Variants in MTHFD2 observed in about 807,000 individuals in gnomAD.
MTHFD2 encodes methylenetetrahydrofolate dehydrogenase (NADP+ dependent) 2, methenyltetrahydrofolate cyclohydrolase.
MTHFD2 carries 26 observed loss-of-function variants against 36.8 expected under a neutral mutation model. That is an observed-to-expected ratio of 0.71 (90% CI 0.52 to 0.98). MTHFD2 has a LOEUF of 0.98. Ranked by LOEUF, MTHFD2 falls within the 50% of genes least tolerant of loss-of-function variation. The pLI is 0.00. For synonymous variants in MTHFD2, 164 were observed against 155.2 expected (o/e 1.06, Z -0.42); for missense variants, 373 against 434.0 (o/e 0.86, Z 1.25).
intron 4 of MTHFD2, among the ~76,000 whole-genome samples, chr2:74,208,934 C>T (rs190905790): frequency 1.3e-5 from 2 of 151,756 alleles, no homozygotes; most frequent in African/African-American, 2.4e-5. Flanking sequence ...AGTGCAGTGG[C>T]GCGATCTTGG....
chr2:74,204,982 C>T (rs1409580724), intron 1 of MTHFD2, among the ~76,000 whole-genome samples: 13 of 152,102 alleles, frequency 8.5e-5, no homozygotes, highest in Non-Finnish European at 2.9e-5. Flanking sequence ...CCCACCACTA[C>T]GCCCAGCTAA....
chr2:74,211,662 T>C (rs750271786), intron 6 of MTHFD2, 79 bp from the exon 7 acceptor site: 19 of 1,399,600 alleles, frequency 1.4e-5, no homozygotes, highest in Non-Finnish European at 1.6e-5. Flanking sequence ...TCAGGGTCTC[T>C]TGAAATTGAA....
At chr2:74,206,086 C>T (rs147891318) in intron 2 of MTHFD2, 197 bp downstream of exon 2, 137 of 491,026 alleles carry the variant, frequency 2.8e-4, no homozygotes, top group African/African-American at 2.4e-3. Flanking sequence ...ACAGGAGATA[C>T]TGGTTGGTAT....
rs10638050 is a variant in MTHFD2 at position 74,213,270 on chromosome 2, C to CTTTTTTTTT, written c.890-793_890-785dup. Among the ~76,000 whole-genome samples, 31 of 76,014 alleles carry CTTTTTTTTT rather than the reference C, an allele frequency of 4.1e-4. 2 individuals are homozygous for CTTTTTTTTT. Among genetic ancestry groups the CTTTTTTTTT allele is most frequent in the African/African-American group, 9.6e-4 (16 of 16,656 alleles). The allele number at this position is 76,014 out of a possible 152,430, so 49.9% of individuals were successfully genotyped here. A position where few individuals can be genotyped will look rare whatever the true frequency, so the allele number is the denominator to read the frequency against. On this transcript the variant is annotated intron_variant, in intron 7 of 7. Transcript: ENST00000394053. ...ATGCTGATAATCCTTTTTTTCTTTC[C>CTTTTTTTTT]TTTTTTTTTTTTTTTTTTTTTTTTG...
At position 74,198,876 on chromosome 2, in the gene MTHFD2, G is replaced by A; in HGVS notation, c.101+134G>A. On this transcript the variant is annotated intron_variant, in intron 1 of 7. Coordinates refer to ENST00000394053, the MANE Select transcript of MTHFD2 (RefSeq NM_006636.4). ...CGCCCCGGCGGTGGTGGCCGCTGAG[G>A]GGTGTGGCGGGGCGACGTGGCACCG... 3 of 796,330 alleles carry A rather than the reference G, an allele frequency of 3.8e-6. No individual in the cohort carries two copies. The South Asian group carries it at 6.6e-5, about 17-fold the overall frequency. The allele number at this position is 796,330 out of a possible 1,614,324, so 49.3% of individuals were successfully genotyped here.
Position 74,211,007 on chromosome 2 carries a change from G to A in MTHFD2, c.671-192G>A, listed in dbSNP as rs983230724. On this transcript the variant is annotated intron_variant, in intron 5 of 7. Transcript: ENST00000394053. ...TCACCATGTTGGCCAGGTTGGCCTC[G>A]AACTCCTGACCTGGTGATCTGCCCA... 5.9e-5 allele frequency among the ~76,000 whole-genome samples: 9 copies of A among 152,114 alleles called. No individual in the cohort carries two copies. In the South Asian group the frequency reaches 8.3e-4, roughly 14 times the overall value.
At position 74,209,806 on chromosome 2, in the gene MTHFD2, T is replaced by C. The variant is rs1694265570; in HGVS notation, c.563-136T>C. ...GTAGTATGCTTTCTCCTGTTTTCTT[T>C]TAGCCCTTATTATGTGTAGCAAGTT... On this transcript the variant is annotated intron_variant, in intron 4 of 7. Transcript: ENST00000394053. The C allele has an allele frequency of 5.3e-6, 3 of 567,492 alleles. No individual in the cohort carries two copies. The East Asian group carries it at 9.4e-5, about 18-fold the overall frequency. 35.2% of individuals were successfully genotyped at this position (567,492 alleles called of 1,614,324 possible). A position where few individuals can be genotyped will look rare whatever the true frequency, so the allele number is the denominator to read the frequency against.
chr2:74,211,094 T>C, intron 5 of MTHFD2, 105 bp from the exon 6 acceptor site: 1 of 767,714 alleles, frequency 1.3e-6, no homozygotes, highest in Non-Finnish European at 2.2e-6. Context: ...CGTAAGTCAA[T>C]TATTTTTCAG....
In MTHFD2 at chr2:74,217,208, C is replaced by T. The variant is rs1298728999; in HGVS notation, c.*2966C>T. 2 of 152,182 alleles carry T rather than the reference C, an allele frequency of 1.3e-5. No individual in the cohort carries two copies. Among genetic ancestry groups the T allele is most frequent in the African/African-American group, 4.8e-5 (2 of 41,446 alleles). The allele number at this position is 152,182 out of a possible 1,614,324, so 9.4% of individuals were successfully genotyped here. Reference sequence around the variant, plus strand: ...TGAGCAAATATAGTAACTCTAACCTCAAGGTTCAAGTGATTTACTCAAGGT... The same window carrying T: ...TGAGCAAATATAGTAACTCTAACCTTAAGGTTCAAGTGATTTACTCAAGGT... On this transcript the variant is annotated 3_prime_UTR_variant, in exon 8 of 8. Transcript: ENST00000394053.
Position 74,198,753 on chromosome 2 carries a change from C to T in MTHFD2, c.101+11C>T. On this transcript the variant is annotated intron_variant, in intron 1 of 7. Coordinates refer to ENST00000394053, the MANE Select transcript of MTHFD2 (RefSeq NM_006636.4). The stretch of plus-strand genomic sequence containing the variant: ...CCTCGCGGCAGTTCGGTAAGAGGGT[C>T]ACAGAGCTCGGTCAGCGCGGAAAGC... The T allele has an allele frequency of 1.9e-6, 3 of 1,599,566 alleles. No individual in the cohort carries two copies. The highest frequency in any genetic ancestry group is 2.6e-6 in the Non-Finnish European group (3 of 1,173,776).
chr2:74,199,778 GA>G (rs1694000322), intron 1 of MTHFD2, among the ~76,000 whole-genome samples: 1 of 151,698 alleles, frequency 6.6e-6, no homozygotes. Context: ...ACAAAATTGG[GA>G]AAAATATACA....
In MTHFD2 at chr2:74,205,855, T is replaced by C. The variant is rs1228480766; in HGVS notation, c.252T>C (p.Tyr84=). The change falls in exon 2 of 8, where the codon TAT becomes TAC. Residue 84 remains tyrosine (Y), a synonymous_variant. Coordinates refer to ENST00000394053, the MANE Select transcript of MTHFD2 (RefSeq NM_006636.4). ...GCGAGAATCCTGCAAGTCACTCCTATGTCCTCAACAAAACCAGGGCAGCTG... is the reference window on the plus strand; with the variant it reads ...GCGAGAATCCTGCAAGTCACTCCTACGTCCTCAACAAAACCAGGGCAGCTG... ...LVGENPASHS[Y]VLNKTRAAAV... is the part of the protein sequence containing the mutation. The C allele has an allele frequency of 1.9e-6, 3 of 1,613,864 alleles. No individual in the cohort carries two copies. The highest frequency in any genetic ancestry group is 2.2e-5 in the South Asian group (2 of 91,076).
At chr2:74,212,946 C>T (rs1300003049) in intron 7 of MTHFD2, among the ~76,000 whole-genome samples, 1 of 151,926 alleles carries the variant, frequency 6.6e-6, no homozygotes, top group African/African-American at 2.4e-5. Flanking sequence ...ACTCTGTTGC[C>T]CAGGCTGTAG....
In MTHFD2 at chr2:74,209,964, T is replaced by C. The variant is rs750616989; in HGVS notation, c.585T>C (p.Asn195=). The C allele has an allele frequency of 1.2e-5, 20 of 1,613,000 alleles. No homozygotes were observed. In the South Asian group the frequency reaches 1.8e-4, roughly 14 times the overall value. ...TAGGCATTCCAACCCTAGGGAAGAA[T>C]GTGGTTGTGGCTGGAAGGTCAAAAA... is the stretch of plus-strand genomic sequence containing the variant. ...KRTGIPTLGK[N]VVVAGRSKNV... Residue 195 remains asparagine, a synonymous_variant, in exon 5 of 8, where the codon AAT becomes AAC. Coordinates refer to ENST00000394053, the MANE Select transcript of MTHFD2 (RefSeq NM_006636.4).
chr2:74,199,340 C>T (rs1693987779), intron 1 of MTHFD2, among the ~76,000 whole-genome samples: 2 of 152,194 alleles, frequency 1.3e-5, no homozygotes, highest in South Asian at 4.1e-4. Context: ...CTAGCTTTGG[C>T]TGCAGCCCAC....
At chr2:74,206,510 T>G (rs1340922552) in intron 2 of MTHFD2, 3 of 152,274 alleles carry the variant, frequency 2.0e-5, no homozygotes, top group Non-Finnish European at 4.4e-5. Context: ...GATATGCCTC[T>G]GCCTGCCCAT....
In MTHFD2 at chr2:74,211,781, A is replaced by G; in HGVS notation, c.804A>G (p.Gly268=). 6.2e-7 allele frequency: 1 copy of G among 1,611,952 alleles called. No homozygotes were observed. ...TCACAGCAGATATGATCAAGGAAGG[A>G]GCAGCAGTCATTGATGTGGGAATAA... is the stretch of plus-strand genomic sequence containing the variant. ...NLITADMIKE[G]AAVIDVGINR... Residue 268 remains glycine, a synonymous_variant, in exon 7 of 8, where the codon GGA becomes GGG. Transcript: ENST00000394053.
rs186445949 is a variant in MTHFD2, at chr2:74,215,738, A to G, written c.*1496A>G. 6.6e-6 allele frequency: 1 copy of G among 152,392 alleles called. No homozygotes were observed. Among genetic ancestry groups the G allele is most frequent in the East Asian group, 1.9e-4 (1 of 5,182 alleles). 9.4% of individuals were successfully genotyped at this position (152,392 alleles called of 1,614,324 possible). On this transcript the variant is annotated 3_prime_UTR_variant, in exon 8 of 8. Transcript: ENST00000394053. ...ATTCTTGTGCCTCAGCCTCCTGAGT[A>G]GCTGGGATTACAGGTGCATGCCACC...
At position 74,214,450 on chromosome 2, in the gene MTHFD2, T is replaced by A; in HGVS notation, c.*208T>A. ...CATTCCAGTATCATGCAGGGTCCTG[T>A]GATCTAGCCAGGAGCAGCCATTAAC... On this transcript the variant is annotated 3_prime_UTR_variant, in exon 8 of 8. Coordinates refer to ENST00000394053, the MANE Select transcript of MTHFD2 (RefSeq NM_006636.4). 2.3e-6 allele frequency: 1 copy of A among 429,080 alleles called. No individual in the cohort carries two copies. Among genetic ancestry groups the A allele is most frequent in the Non-Finnish European group, 4.2e-6 (1 of 240,942 alleles). 26.6% of individuals were successfully genotyped at this position (429,080 alleles called of 1,614,324 possible). A position where few individuals can be genotyped will look rare whatever the true frequency, so the allele number is the denominator to read the frequency against.
Sources: allele counts gnomAD v4.1 joint callset (sites outside exome capture counted in the v4.1 genomes callset), GRCh38; gene constraint gnomAD v4.1.1; transcripts MANE v1.5; gene names NCBI Gene and HGNC (gene_info 2026-07-23, HGNC 2026-07-21).